PTPRD: variants seen among roughly 807,000 people sequenced by gnomAD.
PTPRD encodes protein tyrosine phosphatase receptor type D, also known as receptor-type tyrosine-protein phosphatase delta.
PTPRD carries 34 observed loss-of-function variants against 214.5 expected under a neutral mutation model. The observed-to-expected ratio is 0.16, with a 90% CI of 0.12 to 0.21. The LOEUF (loss-of-function observed/expected upper bound fraction) is 0.21. Ranked by LOEUF, PTPRD falls within the 10% of genes least tolerant of loss-of-function variation. PTPRD has a pLI of 1.00. For missense variants in PTPRD, 2,545 were observed against 2,398.7 expected (o/e 1.06, Z -1.27); for synonymous variants, 1,128 against 845.7 (o/e 1.33, Z -5.79).
At chr9:9,729,781 A>C (rs1462223203) in intron 7 of PTPRD, among the ~76,000 whole-genome samples, 1 of 152,112 alleles carries the variant, frequency 6.6e-6, no homozygotes, top group Non-Finnish European at 1.5e-5. Context: ...GAACGAACAT[A>C]TTAGTAAATT....
chr9:10,173,257 C>T (rs1403899594), intron 3 of PTPRD, among the ~76,000 whole-genome samples: 1 of 152,044 alleles, frequency 6.6e-6, no homozygotes, highest in African/African-American at 2.4e-5. Flanking sequence ...GGTATAAAAA[C>T]TTTAAGATCC....
intron 4 of PTPRD, among the ~76,000 whole-genome samples, chr9:10,031,645 T>TATATATATAC (rs2097074073): frequency 4.3e-5 from 3 of 69,052 alleles, no homozygotes; most frequent in African/African-American, 4.3e-4. Context: ...TATATATATA[T>TATATATATAC]ATACACACAC....
intron 10 of PTPRD, among the ~76,000 whole-genome samples, chr9:9,118,274 G>A (rs2099814228): frequency 6.6e-6 from 1 of 152,152 alleles, no homozygotes; most frequent in South Asian, 2.1e-4. Flanking sequence ...ATTATTAGCA[G>A]GATCTACCTG....
At chr9:8,980,084 TG>T (rs1314050781) in intron 11 of PTPRD, among the ~76,000 whole-genome samples, 3 of 152,170 alleles carry the variant, frequency 2.0e-5, no homozygotes, top group African/African-American at 7.2e-5. Flanking sequence ...TGCCATAACT[TG>T]GATGGACCTA....
chr9:8,857,461 A>C (rs1400194444), intron 11 of PTPRD, among the ~76,000 whole-genome samples: 2 of 152,088 alleles, frequency 1.3e-5, no homozygotes, highest in Non-Finnish European at 2.9e-5. Context: ...CCTCTGCCCG[A>C]GGAGGTCCAG....
intron 4 of PTPRD, among the ~76,000 whole-genome samples, chr9:9,971,858 G>C (rs1195045984): frequency 6.6e-6 from 1 of 151,990 alleles, no homozygotes; most frequent in African/African-American, 2.4e-5. Flanking sequence ...GCATATTTGG[G>C]ATGGGTCACA....
At chr9:10,115,605 G>T (rs2098724272) in intron 3 of PTPRD, among the ~76,000 whole-genome samples, 2 of 151,556 alleles carry the variant, frequency 1.3e-5, no homozygotes, top group African/African-American at 4.8e-5. Flanking sequence ...TGATGGTATG[G>T]CACTTCAAGT....
intron 12 of PTPRD, among the ~76,000 whole-genome samples, chr9:8,716,156 C>T (rs934248185): frequency 6.6e-6 from 1 of 152,198 alleles, no homozygotes; most frequent in Non-Finnish European, 1.5e-5. Flanking sequence ...AACTTGACTC[C>T]AGAGGATGGA....
chr9:10,018,604 G>T (rs1250950348), intron 4 of PTPRD, among the ~76,000 whole-genome samples: 1 of 119,258 alleles, frequency 8.4e-6, no homozygotes, highest in South Asian at 3.0e-4. Flanking sequence ...CTGGAGTGCA[G>T]TGGCGGGATC....
At chr9:8,760,113 T>A (rs1458251811) in intron 11 of PTPRD, among the ~76,000 whole-genome samples, 1 of 152,182 alleles carries the variant, frequency 6.6e-6, no homozygotes, top group South Asian at 2.1e-4. Flanking sequence ...GTGTTTTTGG[T>A]AGAGACCGGG....
At chr9:9,785,768 T>C (rs1439293036) in intron 5 of PTPRD, among the ~76,000 whole-genome samples, 1 of 152,124 alleles carries the variant, frequency 6.6e-6, no homozygotes, top group Non-Finnish European at 1.5e-5. Context: ...AATTATACAA[T>C]TGTACAAATA....
chr9:8,779,685 G>A (rs1038636945), intron 11 of PTPRD, among the ~76,000 whole-genome samples: 4 of 152,046 alleles, frequency 2.6e-5, no homozygotes, highest in Admixed American at 6.6e-5. Flanking sequence ...TAATCAGCAC[G>A]GTAAACAAGC....
At chr9:8,606,565 G>A (rs1250069551) in intron 14 of PTPRD, among the ~76,000 whole-genome samples, 1 of 152,090 alleles carries the variant, frequency 6.6e-6, no homozygotes, top group Non-Finnish European at 1.5e-5. Context: ...GTTGAAGGAG[G>A]GAAACCAACC....
chr9:8,359,863 A>T (rs2078023268), intron 39 of PTPRD, among the ~76,000 whole-genome samples: 1 of 152,160 alleles, frequency 6.6e-6, no homozygotes, highest in African/African-American at 2.4e-5. Flanking sequence ...TCCTTTCCTT[A>T]GGCATATGGC....
At chr9:9,782,936 GT>G (rs2098867667) in intron 5 of PTPRD, among the ~76,000 whole-genome samples, 1 of 152,050 alleles carries the variant, frequency 6.6e-6, no homozygotes, top group Admixed American at 6.5e-5. Context: ...GACTTATTTT[GT>G]ATTTTAAGAT....
At chr9:9,494,526 T>C (rs1395335331) in intron 8 of PTPRD, among the ~76,000 whole-genome samples, 1 of 152,176 alleles carries the variant, frequency 6.6e-6, no homozygotes, top group Non-Finnish European at 1.5e-5. Flanking sequence ...ATGATTAAGA[T>C]TTGCAAAGTC....
At chr9:10,061,313 G>A (rs431894) in intron 3 of PTPRD, among the ~76,000 whole-genome samples, 11,287 of 152,030 alleles carry the variant, frequency 0.074, 689 homozygotes, top group African/African-American at 0.16. Flanking sequence ...ATGAATCACA[G>A]AAATAGAATG....
chr9:9,800,952 C>T (rs1358834012), intron 5 of PTPRD, among the ~76,000 whole-genome samples: 1 of 152,036 alleles, frequency 6.6e-6, no homozygotes, highest in Non-Finnish European at 1.5e-5. Flanking sequence ...TTTTTGACAA[C>T]TGTCCAAGCA....
At chr9:9,998,620 T>G (rs1009672189) in intron 4 of PTPRD, among the ~76,000 whole-genome samples, 57 of 151,256 alleles carry the variant, frequency 3.8e-4, no homozygotes, top group African/African-American at 1.3e-3. Context: ...ACACTCAACA[T>G]AATGTGGCAG....
Sources: allele counts gnomAD v4.1 joint callset (sites outside exome capture counted in the v4.1 genomes callset), GRCh38; gene constraint gnomAD v4.1.1; transcripts MANE v1.5; gene names NCBI Gene and HGNC (gene_info 2026-07-23, HGNC 2026-07-21).